CHSY3: variants seen among roughly 807,000 people sequenced by gnomAD.
CHSY3 encodes the protein chondroitin sulfate synthase 3.
CHSY3 carries 35 observed loss-of-function variants against 67.2 expected under a neutral mutation model. That is an observed-to-expected ratio of 0.52 (90% CI 0.40 to 0.69). The LOEUF (loss-of-function observed/expected upper bound fraction) is 0.69, where lower values mean the gene tolerates loss of function less well. Among genes scored for constraint, CHSY3 ranks in the 30% least tolerant of loss-of-function variants. The probability of loss-of-function intolerance (pLI) is 0.00; values close to 1 mark genes in which losing one functional copy is unlikely to be tolerated. For synonymous variants in CHSY3, 474 were observed against 434.7 expected (o/e 1.09, Z -1.12); for missense variants, 1,069 against 1,138.5 (o/e 0.94, Z 0.88).
intron 2 of CHSY3, among the ~76,000 whole-genome samples, chr5:130,166,997 C>G (rs1436552416): frequency 6.6e-6 from 1 of 151,946 alleles, no homozygotes; most frequent in Non-Finnish European, 1.5e-5. Flanking sequence ...GTAAACAGGC[C>G]AGGAAGACTT....
chr5:130,162,423 A>G (rs981399884), intron 2 of CHSY3, among the ~76,000 whole-genome samples: 1 of 152,174 alleles, frequency 6.6e-6, no homozygotes, highest in Admixed American at 6.5e-5. Context: ...CACTATCACA[A>G]AGCTGGTCGA....
At chr5:130,042,824 G>A (rs1765041585) in intron 2 of CHSY3, among the ~76,000 whole-genome samples, 2 of 151,938 alleles carry the variant, frequency 1.3e-5, no homozygotes, top group Admixed American at 6.6e-5. Context: ...GTTTCTGCTT[G>A]TTATCCTGGT....
In CHSY3 at chr5:130,185,513, C is replaced by A. The variant is rs865846025; in HGVS notation, c.2371C>A (p.Leu791Ile). The A allele has an allele frequency of 6.2e-7, 1 of 1,614,150 alleles. No individual in the cohort carries two copies. The change falls in exon 3 of 3, where the codon CTA (leucine) becomes ATA (isoleucine). Residue 791 changes from leucine (L) to isoleucine (I), a missense_variant. By Grantham distance (5) the Leu-to-Ile change is conservative. Around this residue, in one of 5 missense-constraint regions of CHSY3, gnomAD observed 139 missense variants for 152.8 expected, o/e 0.91. Coordinates refer to ENST00000305031, the MANE Select transcript of CHSY3 (RefSeq NM_175856.5). ...CACCTGTATTTACAAAAGTGATCTTCTAGGTGCAGGTGGATTTGATACCTC... is the reference window on the plus strand; with the variant it reads ...CACCTGTATTTACAAAAGTGATCTTATAGGTGCAGGTGGATTTGATACCTC... The part of the protein sequence containing the change: ...GITCIYKSDL[L>I]GAGGFDTSIQ...
Position 130,184,472 on chromosome 5 carries a change from C to T in CHSY3, c.1330C>T (p.Gln444Ter). The T allele has an allele frequency of 6.2e-7, 1 of 1,613,520 alleles. No individual in the cohort carries two copies. Among genetic ancestry groups the T allele is most frequent in the East Asian group, 2.2e-5 (1 of 44,878 alleles). Residue 444 changes from glutamine to a stop codon, truncating the protein, a stop_gained, in exon 3 of 3, where the codon CAG becomes TAG. Transcript: ENST00000305031. LOFTEE classifies it high-confidence loss of function. Reference protein sequence around the residue: ...LSNTEVSKEDQQLGVIPSFNH... With the variant: ...LSNTEVSKED ...TAACACAGAAGTGAGCAAAGAGGAC[C>T]AGCAGCTGGGAGTGATACCTTCTTT...
chr5:130,042,686 A>G (rs535863007), intron 2 of CHSY3, among the ~76,000 whole-genome samples: 5 of 152,276 alleles, frequency 3.3e-5, no homozygotes, highest in Admixed American at 1.3e-4. Context: ...ATAGAAATAC[A>G]TAACAATTAC....
At chr5:129,946,994 T>A (rs1359048131) in intron 2 of CHSY3, among the ~76,000 whole-genome samples, 1 of 152,170 alleles carries the variant, frequency 6.6e-6, no homozygotes, top group Non-Finnish European at 1.5e-5. Context: ...ATGAGGAACC[T>A]CCTATATTAG....
chr5:129,916,214 A>G (rs1221859320), intron 2 of CHSY3, among the ~76,000 whole-genome samples: 3 of 152,200 alleles, frequency 2.0e-5, no homozygotes, highest in Non-Finnish European at 2.9e-5. Flanking sequence ...AGATATGCAT[A>G]TTCTCTGGTG....
At chr5:129,972,094 G>A (rs1203078280) in intron 2 of CHSY3, among the ~76,000 whole-genome samples, 2 of 152,064 alleles carry the variant, frequency 1.3e-5, no homozygotes, top group Non-Finnish European at 2.9e-5. Flanking sequence ...AATCAGATTA[G>A]AGTTTTGACT....
At chr5:130,120,486 G>GAAAAAAAAAAAAA (rs34727574) in intron 2 of CHSY3, among the ~76,000 whole-genome samples, 2 of 95,840 alleles carry the variant, frequency 2.1e-5, no homozygotes, top group South Asian at 3.3e-4. Context: ...ATTTCTGAAA[G>GAAAAAAAAAAAAA]AAAAAAAAAA....
intron 2 of CHSY3, among the ~76,000 whole-genome samples, chr5:130,111,799 C>T (rs1322787523): frequency 6.6e-6 from 1 of 151,740 alleles, no homozygotes; most frequent in African/African-American, 2.4e-5. Flanking sequence ...AAAATGCTGA[C>T]AGAAATATGC....
At chr5:130,086,880 A>T (rs1395973137) in intron 2 of CHSY3, among the ~76,000 whole-genome samples, 2 of 152,088 alleles carry the variant, frequency 1.3e-5, no homozygotes, top group African/African-American at 4.8e-5. Context: ...GGCCAGCATC[A>T]TCCTGATACC....
At chr5:130,025,293 T>C (rs1764508744) in intron 2 of CHSY3, among the ~76,000 whole-genome samples, 1 of 152,228 alleles carries the variant, frequency 6.6e-6, no homozygotes, top group Non-Finnish European at 1.5e-5. Flanking sequence ...ATTAGCCATA[T>C]GAAAAATCCA....
intron 2 of CHSY3, among the ~76,000 whole-genome samples, chr5:130,081,019 G>A (rs555726091): frequency 1.3e-5 from 2 of 152,172 alleles, no homozygotes; most frequent in East Asian, 1.9e-4. Context: ...TAGGGAGGTC[G>A]TAATTTTTTT....
intron 2 of CHSY3, among the ~76,000 whole-genome samples, chr5:130,127,921 T>C (rs896204329): frequency 2.6e-5 from 4 of 152,198 alleles, no homozygotes; most frequent in South Asian, 2.1e-4. Flanking sequence ...CAGCACCTTA[T>C]CAACCAAGTA....
At chr5:130,056,904 T>A (rs897270059) in intron 2 of CHSY3, among the ~76,000 whole-genome samples, 6 of 150,600 alleles carry the variant, frequency 4.0e-5, no homozygotes, top group Non-Finnish European at 8.8e-5. Context: ...TATGTTTATT[T>A]TTAGCATTTC....
At chr5:129,990,822 A>C (rs916150146) in intron 2 of CHSY3, among the ~76,000 whole-genome samples, 1 of 152,166 alleles carries the variant, frequency 6.6e-6, no homozygotes, top group Non-Finnish European at 1.5e-5. Context: ...AGAAGTTTAT[A>C]GTAGAATAAG....
intron 2 of CHSY3, among the ~76,000 whole-genome samples, chr5:129,918,996 A>G (rs1664205343): frequency 6.8e-6 from 1 of 147,638 alleles, no homozygotes; most frequent in Non-Finnish European, 1.5e-5. Context: ...AGTCCCAGCT[A>G]CTCGGGAGGC....
chr5:130,064,854 T>C (rs1451040908), intron 2 of CHSY3, among the ~76,000 whole-genome samples: 1 of 152,230 alleles, frequency 6.6e-6, no homozygotes, highest in Non-Finnish European at 1.5e-5. Flanking sequence ...TTCCTTTTTC[T>C]AGAGCTGCCT....
intron 2 of CHSY3, among the ~76,000 whole-genome samples, chr5:130,177,623 A>T (rs1456703029): frequency 6.6e-6 from 1 of 152,128 alleles, no homozygotes; most frequent in Non-Finnish European, 1.5e-5. Flanking sequence ...AAGTCTATAG[A>T]CATGCTGCTT....
Sources: allele counts gnomAD v4.1 joint callset (sites outside exome capture counted in the v4.1 genomes callset), GRCh38; gene constraint gnomAD v4.1.1; regional missense constraint gnomAD v4.1.1; transcripts MANE v1.5; gene names NCBI Gene and HGNC (gene_info 2026-07-23, HGNC 2026-07-21).